The following SPIRE2 variants were observed in gnomAD, a reference collection of about 807,000 sequenced individuals.
SPIRE2 encodes the protein protein spire homolog 2.
Under a neutral mutation model 80.7 loss-of-function variants are expected in SPIRE2, and 76 were observed. That is an observed-to-expected ratio of 0.94 (90% CI 0.78 to 1.14). SPIRE2 has a LOEUF of 1.14. Ranked by LOEUF, SPIRE2 falls within the 50% of genes most tolerant of loss-of-function variation. The pLI, the probability that SPIRE2 is intolerant of heterozygous loss-of-function variation, is 0.00. For synonymous variants in SPIRE2, 535 were observed against 432.6 expected (o/e 1.24, Z -2.94); for missense variants, 1,196 against 1,015.3 (o/e 1.18, Z -2.42).
chr16:89,858,913 G>C (rs1174666889), intron 8 of SPIRE2, among the ~76,000 whole-genome samples: 1 of 152,202 alleles, frequency 6.6e-6, no homozygotes, highest in Non-Finnish European at 1.5e-5. Context: ...GGCCTTGTTG[G>C]GGGCCATCCC....
chr16:89,838,932 G>A (rs1688625791), intron 1 of SPIRE2, among the ~76,000 whole-genome samples: 1 of 151,114 alleles, frequency 6.6e-6, no homozygotes, highest in African/African-American at 2.4e-5. Flanking sequence ...GTTTCACCAT[G>A]TTGGCCAGGC....
chr16:89,844,100 G>T (rs1182709123), intron 1 of SPIRE2, among the ~76,000 whole-genome samples: 2 of 150,510 alleles, frequency 1.3e-5, no homozygotes, highest in East Asian at 4.0e-4. Flanking sequence ...GGCTCAAGAG[G>T]TCCTCCCGAG....
chr16:89,855,672 CCTCCA>C lies in SPIRE2; in HGVS notation c.967_971del (p.Pro323GlufsTer5). ...CATCCTGGACTTTATCCGCTCACGG[CCTCCA>C]CTGAAGCAGGTGCTGCCCCAGCCTC... is the stretch of plus-strand genomic sequence containing the variant. On this transcript the variant is annotated frameshift_variant, in exon 6 of 15. Coordinates refer to ENST00000378247, the MANE Select transcript of SPIRE2 (RefSeq NM_032451.2). LOFTEE classifies it high-confidence loss of function. The C allele has an allele frequency of 6.2e-7, 1 of 1,612,848 alleles. No homozygotes were observed. Among genetic ancestry groups the C allele is most frequent in the Non-Finnish European group, 8.5e-7 (1 of 1,179,936 alleles).
At chr16:89,839,311 T>C (rs986771427) in intron 1 of SPIRE2, among the ~76,000 whole-genome samples, 24 of 151,386 alleles carry the variant, frequency 1.6e-4, no homozygotes, top group Admixed American at 1.4e-3. Context: ...GAGGCAGAGA[T>C]TGCAGTGAGC....
chr16:89,854,565 C>G lies in SPIRE2; in HGVS notation c.805C>G (p.Pro269Ala), dbSNP rs1419144255. 3.1e-6 allele frequency: 5 copies of G among 1,612,634 alleles called. No homozygotes were observed. Among genetic ancestry groups the G allele is most frequent in the Non-Finnish European group, 4.2e-6 (5 of 1,179,950 alleles). Residue 269 changes from proline to alanine, a missense_variant, in exon 5 of 15, where the codon CCC (proline) becomes GCC (alanine). By Grantham distance (27) the Pro-to-Ala change is conservative (BLOSUM62 -1). Coordinates refer to ENST00000378247, the MANE Select transcript of SPIRE2 (RefSeq NM_032451.2). ...LKKVQEQEFN[P>A]LPTEFQLTPF... Reference sequence around the variant, plus strand: ...GAAGGTGCAAGAGCAGGAGTTCAACCCCCTCCCCACCGAGTTCCAGCTCAC... The same window carrying G: ...GAAGGTGCAAGAGCAGGAGTTCAACGCCCTCCCCACCGAGTTCCAGCTCAC...
At chr16:89,831,551 C>T (rs1254332754) in intron 1 of SPIRE2, among the ~76,000 whole-genome samples, 2 of 150,346 alleles carry the variant, frequency 1.3e-5, no homozygotes, top group African/African-American at 4.9e-5. Flanking sequence ...GCGCCCGCCA[C>T]CACGCCCGGC....
chr16:89,869,988 A>C lies in SPIRE2; in HGVS notation c.1923-62A>C, dbSNP rs2041825254. ...GGAGGGGGCTGTGGCATGCACAAGC[A>C]GGGAGGGGGGTGTGGCACCCTGGCT... On this transcript the variant is annotated intron_variant, in intron 14 of 14. Transcript: ENST00000378247. 5 of 1,447,020 alleles carry C rather than the reference A, an allele frequency of 3.5e-6. No individual in the cohort carries two copies. The Admixed American group carries it at 5.5e-5, about 16-fold the overall frequency. 89.6% of individuals were successfully genotyped at this position (1,447,020 alleles called of 1,614,324 possible).
intron 3 of SPIRE2, among the ~76,000 whole-genome samples, chr16:89,852,096 C>CT (rs1315696809): frequency 2.0e-5 from 2 of 101,326 alleles, no homozygotes; most frequent in South Asian, 3.9e-4. Context: ...TCCATCCTCC[C>CT]CCCACCCACC....
In SPIRE2 at chr16:89,855,701, T is replaced by G. The variant is rs1597219687; in HGVS notation, c.978+15T>G. Reference sequence around the variant, plus strand: ...CACTGAAGCAGGTGCTGCCCCAGCCTCCTCCTCCTCAGGGGCCGCCCGGGG... The same window carrying G: ...CACTGAAGCAGGTGCTGCCCCAGCCGCCTCCTCCTCAGGGGCCGCCCGGGG... On this transcript the variant is annotated intron_variant, in intron 6 of 14. Coordinates refer to ENST00000378247, the MANE Select transcript of SPIRE2 (RefSeq NM_032451.2). 6.2e-7 allele frequency: 1 copy of G among 1,610,080 alleles called. No homozygotes were observed. The highest frequency in any genetic ancestry group is 8.5e-7 in the Non-Finnish European group (1 of 1,178,092).
Position 89,863,546 on chromosome 16 carries a change from T to C in SPIRE2, c.1646T>C (p.Val549Ala), listed in dbSNP as rs1184015109. The C allele has an allele frequency of 1.2e-6, 2 of 1,614,010 alleles. No individual in the cohort carries two copies. Among genetic ancestry groups the C allele is most frequent in the Admixed American group, 3.3e-5 (2 of 60,024 alleles). Reference sequence around the variant, plus strand: ...GTGATGGACGTGCGCCGTGTGCTGGTGAAGGCCGAGATGGAAAAGTTTTTG... The same window carrying C: ...GTGATGGACGTGCGCCGTGTGCTGGCGAAGGCCGAGATGGAAAAGTTTTTG... ...EEVMDVRRVL[V>A]KAEMEKFLQN... The change falls in exon 11 of 15, where the codon GTG becomes GCG. Residue 549 changes from valine (V) to alanine (A), a missense_variant. Transcript: ENST00000378247. The surrounding 1 kb of genome is among the most constrained non-coding windows in gnomAD (Gnocchi z 4.3).
chr16:89,835,062 CTGTGAA>C (rs1567668683), intron 1 of SPIRE2, among the ~76,000 whole-genome samples: 1 of 146,564 alleles, frequency 6.8e-6, no homozygotes, highest in African/African-American at 2.5e-5. Context: ...CCGTGTGAAT[CTGTGAA>C]CCTGCCCGCA....
At chr16:89,869,839 G>C (rs1597227332) in intron 14 of SPIRE2, among the ~76,000 whole-genome samples, 157 bp downstream of exon 14, 3 of 152,108 alleles carry the variant, frequency 2.0e-5, no homozygotes, top group Non-Finnish European at 4.4e-5. Flanking sequence ...AGGGCTCTGG[G>C]AGGCTGAGCA....
Position 89,870,084 on chromosome 16 carries a change from G to A in SPIRE2, c.1957G>A (p.Glu653Lys). 6.2e-7 allele frequency: 1 copy of A among 1,613,422 alleles called. No individual in the cohort carries two copies. The highest frequency in any genetic ancestry group is 8.5e-7 in the Non-Finnish European group (1 of 1,179,904). ...AGGGCCACAGTGGCAGAGCGTGGAGGAGGCGTTCCCCCACATCTACTCCCA... is the reference window on the plus strand; with the variant it reads ...AGGGCCACAGTGGCAGAGCGTGGAGAAGGCGTTCCCCCACATCTACTCCCA... ...LQGPQWQSVEEAFPHIYSHGC... is the reference protein window; with the variant it reads ...LQGPQWQSVEKAFPHIYSHGC... Residue 653 changes from glutamate (E) to lysine (K), a missense_variant, in exon 15 of 15, where the codon GAG becomes AAG. Coordinates refer to ENST00000378247, the MANE Select transcript of SPIRE2 (RefSeq NM_032451.2).
chr16:89,860,769 A>G lies in SPIRE2; in HGVS notation c.1549A>G (p.Thr517Ala). The change falls in exon 10 of 15, where the codon ACC becomes GCC. Residue 517 changes from threonine (T) to alanine (A), a missense_variant. Thr to Ala is a moderately conservative substitution (Grantham distance 58). Coordinates refer to ENST00000378247, the MANE Select transcript of SPIRE2 (RefSeq NM_032451.2). ...SSGDRPEASM[T>A]PDAKHLWLEF... Reference sequence around the variant, plus strand: ...GGGGGACAGACCCGAGGCCTCCATGACCCCCGATGCCAAACACCTGTGGCT... The same window carrying G: ...GGGGGACAGACCCGAGGCCTCCATGGCCCCCGATGCCAAACACCTGTGGCT... 6.4e-7 allele frequency: 1 copy of G among 1,552,104 alleles called. No individual in the cohort carries two copies. The highest frequency in any genetic ancestry group is 8.7e-7 in the Non-Finnish European group (1 of 1,150,460).
rs372155150 is a variant in SPIRE2, at chr16:89,855,622, G to A, written c.914G>A (p.Arg305Gln). 151 of 1,612,662 alleles carry A rather than the reference G, an allele frequency of 9.4e-5. No individual in the cohort carries two copies. The highest frequency in any genetic ancestry group is 2.7e-4 in the Admixed American group (16 of 59,982). The change falls in exon 6 of 15, where the codon CGG becomes CAG. Residue 305 changes from arginine to glutamine, a missense_variant. Arg to Gln is a conservative substitution (Grantham distance 43, BLOSUM62 1). Transcript: ENST00000378247. ...CAGGTGGATGGGGACATCCCGCCCC[G>A]GGTGAAGAAGGACGCTCACGAGCTC... ...KVMVDGDIPP[R>Q]VKKDAHELIL... is the part of the protein sequence containing the mutation.
intron 8 of SPIRE2, 69 bp from the exon 9 acceptor site, chr16:89,859,096 C>T (rs1415864835): frequency 1.4e-6 from 2 of 1,399,854 alleles, no homozygotes; most frequent in African/African-American, 2.9e-5. Flanking sequence ...TCCTCTGCTT[C>T]ATTCCAGGCA....
chr16:89,845,196 C>T (rs2041546247), intron 1 of SPIRE2, 126 bp from the exon 2 acceptor site: 4 of 870,622 alleles, frequency 4.6e-6, no homozygotes, highest in Non-Finnish European at 7.6e-6. Context: ...CTGCTGTGAG[C>T]TTTCTGGTGT....
At chr16:89,833,748 G>A (rs2143775715) in intron 1 of SPIRE2, among the ~76,000 whole-genome samples, 1 of 152,332 alleles carries the variant, frequency 6.6e-6, no homozygotes, top group South Asian at 2.1e-4. Flanking sequence ...ACCTGCCTTG[G>A]GGAGCAGCAC....
At chr16:89,830,194 ATC>A (rs776851351) in intron 1 of SPIRE2, among the ~76,000 whole-genome samples, 2 of 151,122 alleles carry the variant, frequency 1.3e-5, no homozygotes, top group Non-Finnish European at 3.0e-5. Context: ...CAGAGCAGTG[ATC>A]TGATTCTCTC....
Sources: allele counts gnomAD v4.1 joint callset (sites outside exome capture counted in the v4.1 genomes callset), GRCh38; gene constraint gnomAD v4.1.1; non-coding constraint Gnocchi (gnomAD v3.1); transcripts MANE v1.5; gene names NCBI Gene and HGNC (gene_info 2026-07-23, HGNC 2026-07-21).